Variants in EIF2AK4 observed in about 807,000 individuals in gnomAD.
EIF2AK4 encodes the protein eukaryotic translation initiation factor 2 alpha kinase 4, also known as eIF-2-alpha kinase GCN2.
EIF2AK4 carries 139 observed loss-of-function variants against 211.1 expected under a neutral mutation model. The ratio of observed to expected loss-of-function variants is 0.66; its 90% CI spans 0.57 to 0.76. The LOEUF (loss-of-function observed/expected upper bound fraction) is 0.76, where lower values mean the gene tolerates loss of function less well. EIF2AK4 is among the 30% of genes least tolerant of loss of function. The pLI is 0.00. For missense variants in EIF2AK4, 1,664 were observed against 2,043.8 expected, an observed-to-expected ratio of 0.81 and a Z score of 3.58; for synonymous variants, 710 against 751.3, an observed-to-expected ratio of 0.94 and a Z score of 0.90.
intron 20 of EIF2AK4, among the ~76,000 whole-genome samples, chr15:40,000,236 T>A (rs1459801339): frequency 6.6e-6 from 1 of 152,206 alleles, no homozygotes; most frequent in Non-Finnish European, 1.5e-5. Context: ...ACAAACTAAT[T>A]GCCTGTGTTT....
chr15:39,997,494 A>T (rs2035033083), intron 19 of EIF2AK4, among the ~76,000 whole-genome samples: 1 of 152,186 alleles, frequency 6.6e-6, no homozygotes, highest in Non-Finnish European at 1.5e-5. Context: ...TTTACTCTTG[A>T]TTTTAAAGCA....
At position 39,992,947 on chromosome 15, in the gene EIF2AK4, A is replaced by ATCCAC; in HGVS notation, c.2766+102_2766+106dup. On this transcript the variant is annotated intron_variant, in intron 18 of 38. Transcript: ENST00000263791. ...TAGTCCCGGCTAAAATAGTCAAGAC[A>ATCCAC]TCCACTCATTCACACTCCAGGAAGG... 3 of 1,159,466 alleles carry ATCCAC rather than the reference A, an allele frequency of 2.6e-6. No individual in the cohort carries two copies. The East Asian group carries it at 7.1e-5, about 28-fold the overall frequency. 71.8% of individuals were successfully genotyped at this position (1,159,466 alleles called of 1,614,324 possible). A position where few individuals can be genotyped will look rare whatever the true frequency, so the allele number is the denominator to read the frequency against.
intron 13 of EIF2AK4, among the ~76,000 whole-genome samples, chr15:39,979,211 C>T (rs1416127471): frequency 6.6e-6 from 1 of 152,140 alleles, no homozygotes; most frequent in Non-Finnish European, 1.5e-5. Flanking sequence ...ATATTATGTA[C>T]TAGACGTTAT....
chr15:39,953,192 T>C (rs189706725), intron 4 of EIF2AK4, among the ~76,000 whole-genome samples: 125 of 152,334 alleles, frequency 8.2e-4, no homozygotes, highest in Admixed American at 1.5e-3. Flanking sequence ...AAGGCTAATT[T>C]TTATTAGAAG....
chr15:39,934,455 T>C, intron 1 of EIF2AK4, 116 bp downstream of exon 1: 2 of 1,365,296 alleles, frequency 1.5e-6, no homozygotes, highest in Non-Finnish European at 1.9e-6. Context: ...AGTCTTTTCA[T>C]CCCTTAGGTT....
chr15:40,022,402 AT>A (rs776467884), intron 31 of EIF2AK4, 116 bp from the exon 32 acceptor site: 6 of 866,268 alleles, frequency 6.9e-6, no homozygotes, highest in Admixed American at 5.2e-5. Flanking sequence ...TGAAGTCAGC[AT>A]TTTAGTAATT....
intron 2 of EIF2AK4, among the ~76,000 whole-genome samples, chr15:39,941,612 T>G (rs1476908841): frequency 6.6e-6 from 1 of 152,222 alleles, no homozygotes; most frequent in African/African-American, 2.4e-5. Context: ...TAGCATTATT[T>G]GTGAAAGCAA....
chr15:39,963,459 A>G (rs1464802371), intron 7 of EIF2AK4, among the ~76,000 whole-genome samples: 1 of 152,232 alleles, frequency 6.6e-6, no homozygotes, highest in African/African-American at 2.4e-5. Context: ...AAAATTACCA[A>G]GTAAATTATT....
chr15:39,953,960 A>G lies in EIF2AK4; in HGVS notation c.570A>G (p.Lys190=). Residue 190 remains lysine, a synonymous_variant, in exon 5 of 39, where the codon AAA becomes AAG. Coordinates refer to ENST00000263791, the MANE Select transcript of EIF2AK4 (RefSeq NM_001013703.4). Reference sequence around the variant, plus strand: ...GGAAAGAAGAGATAAAAGAAGAGAAAAAAAGGAAAGAAATGGCTAAGCAGG... The same window carrying G: ...GGAAAGAAGAGATAAAAGAAGAGAAGAAAAGGAAAGAAATGGCTAAGCAGG... The part of the protein sequence containing the change: ...QRRKEEIKEE[K]KRKEMAKQER... 3 of 1,604,912 alleles carry G rather than the reference A, an allele frequency of 1.9e-6. No homozygotes were observed. The highest frequency in any genetic ancestry group is 3.3e-4 in the Middle Eastern group (2 of 6,056).
Position 39,983,574 on chromosome 15 carries a change from C to G in EIF2AK4, c.2320-2231C>G, listed in dbSNP as rs552444806. On this transcript the variant is annotated intron_variant, in intron 13 of 38. Transcript: ENST00000263791. Reference sequence around the variant, plus strand: ...TCTCCTGCCTCAGCCTCCCAAGTAGCTGGGATCACAGGCATGCGCCACCAT... The same window carrying G: ...TCTCCTGCCTCAGCCTCCCAAGTAGGTGGGATCACAGGCATGCGCCACCAT... Among the ~76,000 whole-genome samples, 7 of 152,286 alleles carry G rather than the reference C, an allele frequency of 4.6e-5. No individual in the cohort carries two copies. The South Asian group carries it at 1.5e-3, about 32-fold the overall frequency.
intron 19 of EIF2AK4, among the ~76,000 whole-genome samples, chr15:39,998,504 C>T (rs774534825): frequency 3.3e-5 from 5 of 151,530 alleles, no homozygotes; most frequent in African/African-American, 4.9e-5. Context: ...AGCATTAGGA[C>T]GAAAGTGAAG....
intron 2 of EIF2AK4, among the ~76,000 whole-genome samples, chr15:39,942,902 T>C (rs938839915): frequency 2.6e-5 from 4 of 152,346 alleles, no homozygotes; most frequent in Middle Eastern, 3.4e-3. Context: ...TGCAGAGCGC[T>C]TGGCCTTGCC....
At chr15:39,982,526 T>G (rs566856186) in intron 13 of EIF2AK4, among the ~76,000 whole-genome samples, 3 of 152,184 alleles carry the variant, frequency 2.0e-5, no homozygotes, top group Non-Finnish European at 2.9e-5. Flanking sequence ...TCTGTGAGCT[T>G]CTTTTTTTTC....
intron 35 of EIF2AK4, 77 bp downstream of exon 35, chr15:40,030,533 A>C: frequency 7.2e-7 from 1 of 1,389,364 alleles, no homozygotes; most frequent in African/African-American, 1.5e-5. Context: ...AAGGAAAATA[A>C]GATAAACATG....
At chr15:40,020,850 T>G (rs757694719) in intron 30 of EIF2AK4, 49 bp from the exon 31 acceptor site, 37 of 1,516,696 alleles carry the variant, frequency 2.4e-5, no homozygotes, top group Non-Finnish European at 3.1e-5. Context: ...TTCACTTCCA[T>G]GCCTGCAGTC....
At chr15:39,970,319 G>A (rs1048429602) in intron 9 of EIF2AK4, among the ~76,000 whole-genome samples, 3 of 152,122 alleles carry the variant, frequency 2.0e-5, no homozygotes, top group Non-Finnish European at 4.4e-5. Flanking sequence ...TAGGTAGGCT[G>A]TAACATTTTT....
chr15:40,029,544 G>A, intron 34 of EIF2AK4, 80 bp downstream of exon 34: 1 of 1,389,310 alleles, frequency 7.2e-7, no homozygotes, highest in Non-Finnish European at 9.9e-7. Context: ...CTAACTGCTT[G>A]TGACACTGGA....
chr15:39,934,244 G>C lies in EIF2AK4; in HGVS notation c.49G>C (p.Glu17Gln). The change falls in exon 1 of 39, where the codon GAG becomes CAG. Residue 17 changes from glutamate to glutamine, a missense_variant. Glu to Gln is a conservative substitution (Grantham distance 29). Transcript: ENST00000263791. Reference protein sequence around the residue: ...APGRGRDEPPESYPQRQDHEL... With the variant: ...APGRGRDEPPQSYPQRQDHEL... ...CGGGCGCGGCCGGGACGAGCCTCCG[G>C]AGAGCTACCCGCAACGACAGGACCA... 2 of 1,608,192 alleles carry C rather than the reference G, an allele frequency of 1.2e-6. No homozygotes were observed. The highest frequency in any genetic ancestry group is 1.7e-6 in the Non-Finnish European group (2 of 1,177,788).
rs763314240 is a variant in EIF2AK4 at position 39,955,616 on chromosome 15, C to G, written c.595-4C>G. 1.2e-6 allele frequency: 2 copies of G among 1,600,418 alleles called. No individual in the cohort carries two copies. The highest frequency in any genetic ancestry group is 2.3e-5 in the South Asian group (2 of 87,450). ...TAAAGTAAGTTTTACTTTTCTTGTT[C>G]TAGGAACGTTTGGAAATTGCTAGTT... On this transcript the variant is annotated splice_region_variant and splice_polypyrimidine_tract_variant and intron_variant, in intron 5 of 38. Coordinates refer to ENST00000263791, the MANE Select transcript of EIF2AK4 (RefSeq NM_001013703.4).
Sources: allele counts gnomAD v4.1 joint callset (sites outside exome capture counted in the v4.1 genomes callset), GRCh38; gene constraint gnomAD v4.1.1; transcripts MANE v1.5; gene names NCBI Gene and HGNC (gene_info 2026-07-23, HGNC 2026-07-21).